GPR83: variants seen among roughly 807,000 people sequenced by gnomAD.
GPR83 encodes G protein-coupled receptor 83, also known as G-protein coupled receptor 72.
Under a neutral mutation model 28.0 loss-of-function variants are expected in GPR83, and 23 were observed. The ratio of observed to expected loss-of-function variants is 0.82; its 90% confidence interval spans 0.59 to 1.16. The LOEUF (loss-of-function observed/expected upper bound fraction) is 1.16, where lower values mean the gene tolerates loss of function less well. Among genes scored for constraint, GPR83 ranks in the 50% most tolerant of loss-of-function variants. The probability of loss-of-function intolerance (pLI) is 0.00; values close to 1 mark genes in which losing one functional copy is unlikely to be tolerated. For missense variants in GPR83, 610 were observed against 536.6 expected, an observed-to-expected ratio of 1.14 and a Z score of -1.35; for synonymous variants, 234 against 215.4, an observed-to-expected ratio of 1.09 and a Z score of -0.76.
rs147742063 is a variant in GPR83, at chr11:94,380,487, C to T, written c.934G>A (p.Val312Ile). 4.0e-4 allele frequency: 638 copies of T among 1,614,124 alleles called. No homozygotes were observed. Among genetic ancestry groups the T allele is most frequent in the African/African-American group, 5.2e-4 (39 of 75,022 alleles). The change falls in exon 4 of 4, where the codon GTC becomes ATC. Residue 312 changes from valine (V) to isoleucine (I), a missense_variant. Val to Ile is a conservative substitution (Grantham distance 29). Coordinates refer to ENST00000243673, the MANE Select transcript of GPR83 (RefSeq NM_016540.4). ...ALCWFPLNCYVLLLSSKVIRT... is the reference protein window; with the variant it reads ...ALCWFPLNCYILLLSSKVIRT... ...ATGACCTTGCTGGACAGGAGGAGGACGTAGCAGTTGAGGGGGAACCAGCAG... is the reference window on the plus strand; with the variant it reads ...ATGACCTTGCTGGACAGGAGGAGGATGTAGCAGTTGAGGGGGAACCAGCAG...
chr11:94,386,049 C>T (rs371604055), intron 3 of GPR83, among the ~76,000 whole-genome samples: 2 of 152,164 alleles, frequency 1.3e-5, no homozygotes, highest in South Asian at 2.1e-4. Context: ...ATATTCAACA[C>T]TCTTAAAGAA....
At chr11:94,384,412 A>G (rs566740101) in intron 3 of GPR83, among the ~76,000 whole-genome samples, 70 of 152,314 alleles carry the variant, frequency 4.6e-4, no homozygotes, top group Non-Finnish European at 8.7e-4. Context: ...TCCCAGTGTG[A>G]GCGACGCAGA....
At chr11:94,397,907 C>G (rs955860498) in intron 1 of GPR83, among the ~76,000 whole-genome samples, 1 of 152,160 alleles carries the variant, frequency 6.6e-6, no homozygotes, top group Admixed American at 6.5e-5. Context: ...GGACAACAGA[C>G]CAGGGATGTT....
At position 94,399,320 on chromosome 11, in the gene GPR83, G is replaced by A. The variant is rs192376635; in HGVS notation, c.387+1541C>T. ...TTAAGTGGCCATCAATACGTTAGAC[G>A]TAGGCTGAAAGGAGATCAGAACAAG... is the stretch of plus-strand genomic sequence containing the variant. On this transcript the variant is annotated intron_variant, in intron 1 of 3. Coordinates refer to ENST00000243673, the MANE Select transcript of GPR83 (RefSeq NM_016540.4). Among the ~76,000 whole-genome samples, 378 of 152,338 alleles carry A rather than the reference G, an allele frequency of 2.5e-3. 4 individuals carry two copies. The highest frequency in any genetic ancestry group is 8.5e-3 in the African/African-American group (353 of 41,578).
intron 3 of GPR83, among the ~76,000 whole-genome samples, chr11:94,390,980 A>G (rs755528700): frequency 1.5e-4 from 23 of 152,286 alleles, no homozygotes; most frequent in Non-Finnish European, 2.5e-4. Flanking sequence ...CTACTTTAAA[A>G]TTCGTATGGA....
intron 3 of GPR83, among the ~76,000 whole-genome samples, chr11:94,382,743 C>T (rs538461539): frequency 1.3e-4 from 20 of 152,290 alleles, no homozygotes; most frequent in Admixed American, 2.0e-4. Context: ...CTTCTCAGTA[C>T]CTCATCACAC....
intron 2 of GPR83, 115 bp downstream of exon 2, chr11:94,396,284 A>C: frequency 7.5e-6 from 7 of 931,084 alleles, no homozygotes; most frequent in Non-Finnish European, 1.2e-5. Context: ...ATCAATAAGA[A>C]GAGAAACACA....
rs747134384 is a variant in GPR83, at chr11:94,380,421, C to T, written c.1000G>A (p.Ala334Thr). 1 of 1,614,164 alleles carries T rather than the reference C, an allele frequency of 6.2e-7. No individual in the cohort carries two copies. ...GGGTTATAGCAGGTGCTGCTCATGG[C>T]AAACCAGTGGAAGGCAAAGTAGAGG... ...NALYFAFHWF[A>T]MSSTCYNPFI... is the part of the protein sequence containing the mutation. Residue 334 changes from alanine to threonine, a missense_variant, in exon 4 of 4, where the codon GCC becomes ACC. By Grantham distance (58) the Ala-to-Thr change is moderately conservative. Coordinates refer to ENST00000243673, the MANE Select transcript of GPR83 (RefSeq NM_016540.4).
chr11:94,389,039 T>A (rs1944787998), intron 3 of GPR83, among the ~76,000 whole-genome samples: 1 of 152,112 alleles, frequency 6.6e-6, no homozygotes, highest in Non-Finnish European at 1.5e-5. Context: ...AACTATCTGG[T>A]CCTTGACAAA....
chr11:94,396,450 T>C lies in GPR83; in HGVS notation c.462A>G (p.Ser154=). ...TCAGTGTCAGTGCTGAGACGTGCAG[T>C]GAGCAGTACTGGGCAAAGCGGCTGA... is the stretch of plus-strand genomic sequence containing the variant. ...CHVSRFAQYC[S]LHVSALTLTA... Residue 154 remains serine, a synonymous_variant, in exon 2 of 4, where the codon TCA becomes TCG. Coordinates refer to ENST00000243673, the MANE Select transcript of GPR83 (RefSeq NM_016540.4). 1 of 1,614,070 alleles carries C rather than the reference T, an allele frequency of 6.2e-7. No homozygotes were observed.
At chr11:94,391,610 TAAAC>T (rs1283966226) in intron 3 of GPR83, among the ~76,000 whole-genome samples, 1 of 152,064 alleles carries the variant, frequency 6.6e-6, no homozygotes, top group African/African-American at 2.4e-5. Flanking sequence ...ACAAAGAACT[TAAAC>T]AAATTTACAA....
intron 3 of GPR83, among the ~76,000 whole-genome samples, chr11:94,390,021 G>C (rs1374593808): frequency 6.6e-6 from 1 of 152,122 alleles, no homozygotes; most frequent in Non-Finnish European, 1.5e-5. Context: ...TCCTTTGTGG[G>C]GACATGGATT....
At chr11:94,393,949 G>C (rs1033400213) in intron 2 of GPR83, among the ~76,000 whole-genome samples, 14 of 152,166 alleles carry the variant, frequency 9.2e-5, no homozygotes, top group Admixed American at 1.3e-4. Flanking sequence ...TGCTGGGGGA[G>C]AGGAGTCCCA....
chr11:94,382,924 G>A (rs994894362), intron 3 of GPR83, among the ~76,000 whole-genome samples: 11 of 151,954 alleles, frequency 7.2e-5, no homozygotes, highest in Middle Eastern at 3.2e-3. Context: ...CAGCACTTTC[G>A]GAGGCCAAGG....
In GPR83 at chr11:94,393,595, G is replaced by A. The variant is rs767295508; in HGVS notation, c.537C>T (p.Pro179=). 1.9e-6 allele frequency: 3 copies of A among 1,613,930 alleles called. No homozygotes were observed. Among genetic ancestry groups the A allele is most frequent in the Admixed American group, 1.7e-5 (1 of 60,008 alleles). Residue 179 remains proline, a synonymous_variant, in exon 3 of 4, where the codon CCC becomes CCT. Coordinates refer to ENST00000243673, the MANE Select transcript of GPR83 (RefSeq NM_016540.4). ...TGACACCCTTTGTGATTGAGATCCG[G>A]GGTTTCAAGGGGTGCATGATGACCT... The part of the protein sequence containing the change: ...RHQVIMHPLK[P]RISITKGVIY...
intron 3 of GPR83, among the ~76,000 whole-genome samples, chr11:94,391,624 A>G (rs1944817883): frequency 6.6e-6 from 1 of 152,242 alleles, no homozygotes; most frequent in Admixed American, 6.5e-5. Flanking sequence ...CAAATTTACA[A>G]GAAAACAAAC....
At chr11:94,388,436 C>G (rs1312190234) in intron 3 of GPR83, among the ~76,000 whole-genome samples, 3 of 152,162 alleles carry the variant, frequency 2.0e-5, no homozygotes, top group Admixed American at 2.0e-4. Flanking sequence ...ATCATCTCAG[C>G]CCAAAATCTC....
chr11:94,387,426 G>A (rs144641531), intron 3 of GPR83, among the ~76,000 whole-genome samples: 80,855 of 151,834 alleles, frequency 0.53, 22,015 homozygotes, highest in East Asian at 0.64. Flanking sequence ...TTGATAGACC[G>A]CTAGCAAGAC....
chr11:94,379,101 G>A lies in GPR83; in HGVS notation c.*1048C>T, dbSNP rs1453294392. ...AAATGAAAAAAAAGGGCCGGGCGGG[G>A]TGGCTCACGCCTGTAATCCCAACAC... On this transcript the variant is annotated 3_prime_UTR_variant, in exon 4 of 4. Transcript: ENST00000243673. 1 of 152,330 alleles carries A rather than the reference G, an allele frequency of 6.6e-6. No homozygotes were observed. The highest frequency in any genetic ancestry group is 1.5e-5 in the Non-Finnish European group (1 of 68,164). The allele number at this position is 152,330 out of a possible 1,614,324, so 9.4% of individuals were successfully genotyped here. A position where few individuals can be genotyped will look rare whatever the true frequency, so the allele number is the denominator to read the frequency against.
Sources: allele counts gnomAD v4.1 joint callset (sites outside exome capture counted in the v4.1 genomes callset), GRCh38; gene constraint gnomAD v4.1.1; transcripts MANE v1.5; gene names NCBI Gene and HGNC (gene_info 2026-07-23, HGNC 2026-07-21).